CDH2: variants seen among roughly 807,000 people sequenced by gnomAD.
CDH2 encodes the protein cadherin 2, also known as cadherin-2.
In CDH2, 17 loss-of-function variants were observed where a neutral mutation model predicts 92.0. That is an observed-to-expected ratio of 0.18 (90% CI 0.13 to 0.28). The LOEUF is 0.28. CDH2 is among the 10% of genes least tolerant of loss of function. The pLI, the probability that CDH2 is intolerant of heterozygous loss-of-function variation, is 1.00. For missense variants in CDH2, 862 were observed against 1,133.1 expected, an observed-to-expected ratio of 0.76 and a Z score of 3.44; for synonymous variants, 419 against 415.9, an observed-to-expected ratio of 1.01 and a Z score of -0.09.
chr18:28,017,148 TTC>T (rs1359415394), intron 2 of CDH2, among the ~76,000 whole-genome samples: 11 of 152,272 alleles, frequency 7.2e-5, no homozygotes, highest in Admixed American at 2.0e-4. Context: ...TTAGGAGGAA[TTC>T]TCTGTTTCTC....
intron 10 of CDH2, 144 bp from the exon 11 acceptor site, chr18:27,988,810 A>C: frequency 1.5e-6 from 1 of 648,108 alleles, no homozygotes; most frequent in Admixed American, 2.8e-5. Context: ...AGGAAAAAGT[A>C]TTTTTGTGAC....
At chr18:28,172,722 C>T (rs773451177) in intron 1 of CDH2, among the ~76,000 whole-genome samples, 1 of 152,010 alleles carries the variant, frequency 6.6e-6, no homozygotes, top group Non-Finnish European at 1.5e-5. Context: ...CTAAGCAGTG[C>T]CTAAACTTGA....
rs77930741 is a variant in CDH2 at position 28,011,553 on chromosome 18, G to T, written c.546+293C>A. Among the ~76,000 whole-genome samples the T allele has an allele frequency of 7.0e-4, 106 of 152,238 alleles. 2 individuals are homozygous for T. In the East Asian group the frequency reaches 0.02, roughly 29 times the overall value. ...GTGTGTGTGTTATGAGAGTGGAAAT[G>T]GTATGGTTGGGAATATGTGTTGGCT... On this transcript the variant is annotated intron_variant, in intron 4 of 15. Coordinates refer to ENST00000269141, the MANE Select transcript of CDH2 (RefSeq NM_001792.5).
chr18:27,983,963 C>A (rs2012143840), intron 13 of CDH2, among the ~76,000 whole-genome samples: 1 of 152,174 alleles, frequency 6.6e-6, no homozygotes, highest in Non-Finnish European at 1.5e-5. Flanking sequence ...CCTATTGGAG[C>A]ACATTTTTAT....
chr18:28,124,051 T>C, intron 2 of CDH2, among the ~76,000 whole-genome samples: 1 of 152,132 alleles, frequency 6.6e-6, no homozygotes, highest in East Asian at 1.9e-4. Context: ...ATTTGCATGT[T>C]TCTAAGCAGA....
chr18:28,126,837 A>C (rs2015685451), intron 2 of CDH2, among the ~76,000 whole-genome samples: 1 of 152,206 alleles, frequency 6.6e-6, no homozygotes, highest in Non-Finnish European at 1.5e-5. Flanking sequence ...AAAGGTGGAC[A>C]GAGGGGACAA....
At chr18:28,074,548 G>T (rs1242249540) in intron 2 of CDH2, among the ~76,000 whole-genome samples, 3 of 151,680 alleles carry the variant, frequency 2.0e-5, no homozygotes, top group African/African-American at 7.3e-5. Flanking sequence ...GCCCGGACGG[G>T]TCTTTAGTTT....
intron 14 of CDH2, among the ~76,000 whole-genome samples, chr18:27,964,446 G>C (rs1175870750): frequency 6.6e-6 from 1 of 152,116 alleles, no homozygotes; most frequent in African/African-American, 2.4e-5. Flanking sequence ...CTGAATTCTG[G>C]TGATACAAAA....
intron 2 of CDH2, among the ~76,000 whole-genome samples, chr18:28,027,935 C>T (rs554899453): frequency 4.6e-5 from 7 of 151,530 alleles, no homozygotes; most frequent in Non-Finnish European, 7.4e-5. Flanking sequence ...GTACAGGTGG[C>T]GTAGAAGCTC....
intron 2 of CDH2, among the ~76,000 whole-genome samples, chr18:28,116,121 C>T (rs1250269623): frequency 6.6e-6 from 1 of 152,104 alleles, no homozygotes; most frequent in Non-Finnish European, 1.5e-5. Flanking sequence ...CTATAATTCA[C>T]AGAACGACGA....
chr18:27,969,664 TTACTC>T (rs1284731631), intron 14 of CDH2, among the ~76,000 whole-genome samples: 2 of 152,190 alleles, frequency 1.3e-5, no homozygotes, highest in African/African-American at 4.8e-5. Context: ...CACTGAGCCT[TTACTC>T]TAATGTCTTT....
chr18:28,006,030 T>C, intron 5 of CDH2, 37 bp from the exon 6 acceptor site: 1 of 1,533,088 alleles, frequency 6.5e-7, no homozygotes, highest in East Asian at 2.3e-5. Context: ...TTTAACAGAT[T>C]TATGTCTGTG....
chr18:28,089,266 A>C (rs2014994064), intron 2 of CDH2, among the ~76,000 whole-genome samples: 1 of 152,220 alleles, frequency 6.6e-6, no homozygotes, highest in African/African-American at 2.4e-5. Flanking sequence ...TTCTAGAAAA[A>C]AGATTTTAGG....
Position 27,963,461 on chromosome 18 carries a change from C to G in CDH2, c.2410G>C (p.Val804Leu). Residue 804 changes from valine to leucine, a missense_variant, in exon 15 of 16, where the codon GTG becomes CTG. By Grantham distance (32) the Val-to-Leu change is conservative. Around this residue, in one of 5 missense-constraint regions of CDH2, gnomAD observed 114 missense variants for 144.8 expected, o/e 0.79. Coordinates refer to ENST00000269141, the MANE Select transcript of CDH2 (RefSeq NM_001792.5). ...CTTTCATCCATTCGTCGGATTCCCA[C>G]AGGCTTGATGGCATCAGGCTCCACA... ...DTVEPDAIKPVGIRRMDERPI... is the reference protein window; with the variant it reads ...DTVEPDAIKPLGIRRMDERPI... 6.2e-7 allele frequency: 1 copy of G among 1,614,072 alleles called. No individual in the cohort carries two copies. Among genetic ancestry groups the G allele is most frequent in the Non-Finnish European group, 8.5e-7 (1 of 1,179,994 alleles).
chr18:27,992,280 A>C (rs1270739053), intron 9 of CDH2, among the ~76,000 whole-genome samples: 1 of 152,202 alleles, frequency 6.6e-6, no homozygotes, highest in Non-Finnish European at 1.5e-5. Flanking sequence ...TCATGAATAT[A>C]TCAACTACAC....
chr18:28,063,539 A>G (rs2014445722), intron 2 of CDH2, among the ~76,000 whole-genome samples: 3 of 152,242 alleles, frequency 2.0e-5, no homozygotes, highest in Non-Finnish European at 4.4e-5. Context: ...TCTGTCAGCC[A>G]TTGTGTAGAG....
At chr18:28,172,729 T>G (rs1331264537) in intron 1 of CDH2, among the ~76,000 whole-genome samples, 1 of 152,186 alleles carries the variant, frequency 6.6e-6, no homozygotes, top group Non-Finnish European at 1.5e-5. Flanking sequence ...GTGCCTAAAC[T>G]TGATTACTTT....
At chr18:28,012,750 A>T (rs994848899) in intron 3 of CDH2, among the ~76,000 whole-genome samples, 6 of 152,194 alleles carry the variant, frequency 3.9e-5, no homozygotes, top group Admixed American at 2.6e-4. Flanking sequence ...CAGTTAATAG[A>T]TTAACAAATT....
chr18:28,103,483 A>T (rs58553468), intron 2 of CDH2, among the ~76,000 whole-genome samples: 1 of 8,430 alleles, frequency 1.2e-4, no homozygotes, highest in Non-Finnish European at 3.1e-4. Flanking sequence ...ATATATATAC[A>T]CACACACACA....
Sources: gnomAD v4.1 joint callset for allele counts (sites outside exome capture counted in the v4.1 genomes callset) on GRCh38, gnomAD v4.1.1 for gene constraint, gnomAD v4.1.1 regional missense constraint, MANE v1.5 for transcripts, NCBI Gene and HGNC (gene_info 2026-07-23, HGNC 2026-07-21) for gene names.